Variants in SMURF1 observed in about 807,000 individuals in gnomAD.
SMURF1 encodes the protein SMAD specific E3 ubiquitin protein ligase 1, also known as E3 ubiquitin-protein ligase SMURF1.
A neutral mutation model predicts 98.0 loss-of-function variants in SMURF1; 44 were observed. The ratio of observed to expected loss-of-function variants is 0.45; its 90% CI spans 0.35 to 0.58. The LOEUF is 0.58. Ranked by LOEUF, SMURF1 falls within the 20% of genes least tolerant of loss-of-function variation. SMURF1 has a pLI of 0.00. For synonymous variants in SMURF1, 396 were observed against 374.9 expected (o/e 1.06, Z -0.65); for missense variants, 687 against 938.4 (o/e 0.73, Z 3.50).
At chr7:99,140,873 T>G (rs1798106085) in intron 1 of SMURF1, among the ~76,000 whole-genome samples, 1 of 152,224 alleles carries the variant, frequency 6.6e-6, no homozygotes. Flanking sequence ...GAAAGATTGC[T>G]TCTCAACATC....
Position 99,040,301 on chromosome 7 carries a change from G to A in SMURF1, c.1550+77C>T, listed in dbSNP as rs561514040. On this transcript the variant is annotated intron_variant, in intron 13 of 17. Transcript: ENST00000361368. ...CCCCAAAATACACACACACGCGCGC[G>A]CGCGCGCACGCGCATACATACGATA... The A allele has an allele frequency of 1.8e-4, 230 of 1,311,242 alleles. 3 individuals are homozygous for A. Among genetic ancestry groups the A allele is most frequent in the Non-Finnish European group, 1.9e-4 (187 of 1,000,538 alleles). The allele number at this position is 1,311,242 out of a possible 1,614,324, so 81.2% of individuals were successfully genotyped here.
chr7:99,039,043 A>G (rs1301168273), intron 13 of SMURF1, among the ~76,000 whole-genome samples: 1 of 151,752 alleles, frequency 6.6e-6, no homozygotes, highest in Non-Finnish European at 1.5e-5. Context: ...AACACAAAAA[A>G]TTAGCCAGGT....
At chr7:99,112,256 T>G (rs752621316) in intron 1 of SMURF1, among the ~76,000 whole-genome samples, 4 of 152,180 alleles carry the variant, frequency 2.6e-5, no homozygotes, top group African/African-American at 9.6e-5. Flanking sequence ...AAGACAGAGT[T>G]GTAAAATGCC....
At chr7:99,042,707 G>T (rs1795433859) in intron 11 of SMURF1, among the ~76,000 whole-genome samples, 1 of 152,242 alleles carries the variant, frequency 6.6e-6, no homozygotes, top group African/African-American at 2.4e-5. Context: ...CTACACTCAG[G>T]TTGCATTAAG....
chr7:99,038,040 A>G (rs1222808264), intron 14 of SMURF1, among the ~76,000 whole-genome samples: 1 of 152,104 alleles, frequency 6.6e-6, no homozygotes, highest in African/African-American at 2.4e-5. Context: ...GGGTGGAAAA[A>G]AACTGAGAGG....
chr7:99,044,260 C>T (rs886355479), intron 11 of SMURF1, among the ~76,000 whole-genome samples: 11 of 151,988 alleles, frequency 7.2e-5, no homozygotes, highest in Admixed American at 6.6e-5. Context: ...AGCAGTGAGC[C>T]GAGATCCAGC....
chr7:99,102,967 C>A (rs1449008088), intron 1 of SMURF1, among the ~76,000 whole-genome samples: 1 of 151,644 alleles, frequency 6.6e-6, no homozygotes, highest in Admixed American at 6.6e-5. Flanking sequence ...TCATGCCTGG[C>A]TTATTTTTCT....
At chr7:99,111,713 C>G (rs1014690542) in intron 1 of SMURF1, among the ~76,000 whole-genome samples, 10 of 152,180 alleles carry the variant, frequency 6.6e-5, no homozygotes, top group Non-Finnish European at 1.5e-4. Context: ...CCATCCACTC[C>G]CCAGTTCAGC....
chr7:99,110,373 A>G (rs1355443136), intron 1 of SMURF1, among the ~76,000 whole-genome samples: 2 of 152,242 alleles, frequency 1.3e-5, no homozygotes, highest in Non-Finnish European at 2.9e-5. Context: ...AAATTAATCT[A>G]GGAATTTAAC....
intron 6 of SMURF1, among the ~76,000 whole-genome samples, chr7:99,053,353 TC>T (rs1795806569): frequency 6.6e-6 from 1 of 152,114 alleles, no homozygotes; most frequent in Non-Finnish European, 1.5e-5. Context: ...TGTCCACTCT[TC>T]CAATCCCTCC....
At chr7:99,038,757 C>T (rs1795256155) in intron 13 of SMURF1, among the ~76,000 whole-genome samples, 1 of 152,146 alleles carries the variant, frequency 6.6e-6, no homozygotes, top group Admixed American at 6.5e-5. Context: ...AGAAGGCGGG[C>T]AGCAGGTTGC....
At chr7:99,032,072 G>C (rs1794914874) in intron 17 of SMURF1, among the ~76,000 whole-genome samples, 1 of 152,212 alleles carries the variant, frequency 6.6e-6, no homozygotes, top group African/African-American at 2.4e-5. Context: ...AGAAATGTCA[G>C]ATAAAGTGAA....
chr7:99,040,949 C>G (rs527292690), intron 12 of SMURF1, among the ~76,000 whole-genome samples: 18 of 152,268 alleles, frequency 1.2e-4, no homozygotes, highest in African/African-American at 4.3e-4. Flanking sequence ...GTGCTTCCTC[C>G]CACTGCACAG....
intron 1 of SMURF1, among the ~76,000 whole-genome samples, chr7:99,104,333 C>T (rs1797150989): frequency 6.6e-6 from 1 of 152,152 alleles, no homozygotes; most frequent in African/African-American, 2.4e-5. Context: ...TCCATGATCT[C>T]ACTACCCAGC....
At position 99,061,817 on chromosome 7, in the gene SMURF1, C is replaced by T; in HGVS notation, c.76G>A (p.Ala26Thr). Residue 26 changes from alanine (A) to threonine (T), a missense_variant, in exon 2 of 18, where the codon GCA becomes ACA. Physicochemically the swap from Ala to Thr is moderately conservative, Grantham distance 58. Coordinates refer to ENST00000361368, the MANE Select transcript of SMURF1 (RefSeq NM_181349.3). ...TACTTACTGAAGAAGTCTTTCTTTG[C>T]AAGGTTCTTGGCACATAACACTAAA... is the stretch of plus-strand genomic sequence containing the variant. Reference protein sequence around the residue: ...RLTVLCAKNLAKKDFFRLPDP... With the variant: ...RLTVLCAKNLTKKDFFRLPDP... 1 of 1,604,656 alleles carries T rather than the reference C, an allele frequency of 6.2e-7. No individual in the cohort carries two copies. Among genetic ancestry groups the T allele is most frequent in the East Asian group, 2.2e-5 (1 of 44,600 alleles).
Position 99,109,646 on chromosome 7 carries a change from C to T in SMURF1, c.55+34080G>A, listed in dbSNP as rs187859052. Among the ~76,000 whole-genome samples the T allele has an allele frequency of 2.6e-3, 397 of 152,266 alleles. 2 individuals are homozygous for T. Among genetic ancestry groups the T allele is most frequent in the African/African-American group, 9.0e-3 (375 of 41,548 alleles). On this transcript the variant is annotated intron_variant, in intron 1 of 17. Coordinates refer to ENST00000361368, the MANE Select transcript of SMURF1 (RefSeq NM_181349.3). ...TTTGTATTTTGTCAGCCTTTGAACT[C>T]GTATATAACCCAATCCTCATATTCA...
intron 1 of SMURF1, among the ~76,000 whole-genome samples, chr7:99,143,438 G>T (rs1354045256): frequency 7.2e-6 from 1 of 138,546 alleles, no homozygotes; most frequent in Non-Finnish European, 1.6e-5. Context: ...GCGTGGCCAT[G>T]AATGGAAATG....
At chr7:99,063,242 TA>T (rs1230879452) in intron 1 of SMURF1, among the ~76,000 whole-genome samples, 7,519 of 13,368 alleles carry the variant, frequency 0.56, 1,293 homozygotes, top group East Asian at 0.61. Context: ...AAGATTTATT[TA>T]TATATATATA....
At chr7:99,077,484 C>G (rs953875196) in intron 1 of SMURF1, among the ~76,000 whole-genome samples, 1 of 151,950 alleles carries the variant, frequency 6.6e-6, no homozygotes, top group African/African-American at 2.4e-5. Flanking sequence ...AGGTGCCCAC[C>G]ACCACACCCG....
Sources: allele counts gnomAD v4.1 joint callset (sites outside exome capture counted in the v4.1 genomes callset), GRCh38; gene constraint gnomAD v4.1.1; transcripts MANE v1.5; gene names NCBI Gene and HGNC (gene_info 2026-07-23, HGNC 2026-07-21).